Variants in AMN observed in about 807,000 individuals in gnomAD.
AMN encodes amnion associated transmembrane protein.
In AMN, 40 loss-of-function variants were observed where a neutral mutation model predicts 49.1. The ratio of observed to expected loss-of-function variants is 0.81; its 90% CI spans 0.63 to 1.06. The LOEUF (loss-of-function observed/expected upper bound fraction) is 1.06, where lower values mean the gene tolerates loss of function less well. AMN is among the 50% of genes least tolerant of loss of function. The pLI, the probability that AMN is intolerant of heterozygous loss-of-function variation, is 0.00. For synonymous variants in AMN, 380 were observed against 313.3 expected (o/e 1.21, Z -2.25); for missense variants, 701 against 662.8 (o/e 1.06, Z -0.63).
At chr14:102,928,699 C>CGTGGCGTGGT (rs997711365) in intron 4 of AMN, 59 bp from the exon 5 acceptor site, 43 of 1,558,774 alleles carry the variant, frequency 2.8e-5, no homozygotes, top group Non-Finnish European at 3.4e-5. Context: ...CGTGGCGTGG[C>CGTGGCGTGGT]GTGGCGTGGT....
chr14:102,924,565 C>G (rs149753083), intron 3 of AMN, among the ~76,000 whole-genome samples: 16 of 152,316 alleles, frequency 1.1e-4, no homozygotes, highest in African/African-American at 3.8e-4. Flanking sequence ...AAACCTTCCC[C>G]ACTCCCATCA....
intron 1 of AMN, 180 bp downstream of exon 1, chr14:102,922,911 A>G: frequency 2.3e-6 from 2 of 871,352 alleles, no homozygotes; most frequent in Non-Finnish European, 3.4e-6. Flanking sequence ...GCAGCCCGGA[A>G]GTGCGCGGCC....
chr14:102,926,919 T>C (rs1052790578), intron 3 of AMN, among the ~76,000 whole-genome samples: 1 of 151,676 alleles, frequency 6.6e-6, no homozygotes, highest in African/African-American at 2.4e-5. Flanking sequence ...TGAGACAGGG[T>C]CTCACTCTGT....
chr14:102,925,785 GC>G (rs1480675563), intron 3 of AMN, among the ~76,000 whole-genome samples: 1 of 152,180 alleles, frequency 6.6e-6, no homozygotes, highest in Non-Finnish European at 1.5e-5. Context: ...GGGGACAGTG[GC>G]CCCAGGGTCC....
At chr14:102,927,982 G>A (rs1891225389) in intron 3 of AMN, among the ~76,000 whole-genome samples, 1 of 152,216 alleles carries the variant, frequency 6.6e-6, no homozygotes, top group South Asian at 2.1e-4. Flanking sequence ...CACACCAAGA[G>A]CGCGGCCTCA....
At position 102,929,424 on chromosome 14, in the gene AMN, C is replaced by G. The variant is rs1595433914; in HGVS notation, c.652-4C>G. On this transcript the variant is annotated splice_region_variant and splice_polypyrimidine_tract_variant and intron_variant, in intron 6 of 11. Transcript: ENST00000299155. ...TCCGCGCTGACCACCGCCCCTCGCA[C>G]CAGGCGCAGCCGTGGATCTGCGCGG... is the stretch of plus-strand genomic sequence containing the variant. 5 of 1,530,188 alleles carry G rather than the reference C, an allele frequency of 3.3e-6. No individual in the cohort carries two copies. Among genetic ancestry groups the G allele is most frequent in the South Asian group, 1.2e-5 (1 of 83,606 alleles). The allele number at this position is 1,530,188 out of a possible 1,614,324, so 94.8% of individuals were successfully genotyped here.
Position 102,929,163 on chromosome 14 carries a change from C to A in AMN, c.556C>A (p.Arg186Ser), listed in dbSNP as rs1207268542. The A allele has an allele frequency of 1.3e-6, 2 of 1,595,896 alleles. No homozygotes were observed. Among genetic ancestry groups the A allele is most frequent in the African/African-American group, 2.7e-5 (2 of 74,878 alleles). ...GGACCTGGCTGTTTTCCTGGCGTCC[C>A]GCGCGGGCCGCCTACGCTTCCACGG... The part of the protein sequence containing the change: ...DEDLAVFLAS[R>S]AGRLRFHGPG... Residue 186 changes from arginine to serine, a missense_variant, in exon 6 of 12, where the codon CGC becomes AGC. Arg to Ser is a moderately radical substitution (Grantham distance 110). Coordinates refer to ENST00000299155, the MANE Select transcript of AMN (RefSeq NM_030943.4).
At chr14:102,924,849 C>G (rs2139302932) in intron 3 of AMN, among the ~76,000 whole-genome samples, 1 of 152,318 alleles carries the variant, frequency 6.6e-6, no homozygotes, top group African/African-American at 2.4e-5. Context: ...AAGCTACAGG[C>G]CAAATGCAGC....
Position 102,930,472 on chromosome 14 carries a change from C to G in AMN, c.1236C>G (p.Asp412Glu). ...TCGGCTTCCGCAACCCGGTGTTCGACGTGACGGCCTCCGAGGAGCTGGTGA... is the reference window on the plus strand; with the variant it reads ...TCGGCTTCCGCAACCCGGTGTTCGAGGTGACGGCCTCCGAGGAGCTGGTGA... ...APLGFRNPVFDVTASEELPLP... is the reference protein window; with the variant it reads ...APLGFRNPVFEVTASEELPLP... The change falls in exon 11 of 12, where the codon GAC becomes GAG. Residue 412 changes from aspartate (D) to glutamate (E), a missense_variant. By Grantham distance (45) the Asp-to-Glu change is conservative. Coordinates refer to ENST00000299155, the MANE Select transcript of AMN (RefSeq NM_030943.4). 6.5e-7 allele frequency: 1 copy of G among 1,532,148 alleles called. No homozygotes were observed. The highest frequency in any genetic ancestry group is 8.8e-7 in the Non-Finnish European group (1 of 1,142,220). 94.9% of individuals were successfully genotyped at this position (1,532,148 alleles called of 1,614,324 possible).
intron 4 of AMN, 66 bp from the exon 5 acceptor site, chr14:102,928,692 G>A (rs1891247453): frequency 2.6e-6 from 4 of 1,547,970 alleles, no homozygotes; most frequent in Middle Eastern, 3.4e-4. Context: ...CGCGTGGCGT[G>A]GCGTGGCGTG....
At chr14:102,929,005 C>T in intron 5 of AMN, 30 bp downstream of exon 5, 1 of 1,595,550 alleles carries the variant, frequency 6.3e-7, no homozygotes, top group Non-Finnish European at 8.5e-7. Flanking sequence ...AGGCTCGGGT[C>T]CCCTCTCCCC....
In AMN at chr14:102,928,486, G is replaced by A; in HGVS notation, c.268G>A (p.Val90Met). The A allele has an allele frequency of 1.9e-6, 3 of 1,609,484 alleles. No homozygotes were observed. Among genetic ancestry groups the A allele is most frequent in the Non-Finnish European group, 1.7e-6 (2 of 1,179,140 alleles). The change falls in exon 4 of 12, where the codon GTG becomes ATG. Residue 90 changes from valine to methionine, a missense_variant. Transcript: ENST00000299155. ...ASGAGFGVSD[V>M]GSHLDCGAGE... is the part of the protein sequence containing the mutation. ...AGGAGCCGGATTCGGCGTCTCAGAC[G>A]TGGGCTCGCACCTGGACTGTGGCGC...
At chr14:102,930,121 C>A (rs1891303889) in intron 9 of AMN, 35 bp downstream of exon 9, 2 of 1,501,534 alleles carry the variant, frequency 1.3e-6, no homozygotes, top group Non-Finnish European at 1.8e-6. Context: ...CCCGCCGCGC[C>A]TCGCCCCGCC....
Position 102,928,865 on chromosome 14 carries a change from G to C in AMN, c.403G>C (p.Val135Leu), listed in dbSNP as rs777755176. Residue 135 changes from valine (V) to leucine (L), a missense_variant, in exon 5 of 12, where the codon GTG becomes CTG. By Grantham distance (32) the Val-to-Leu change is conservative. Coordinates refer to ENST00000299155, the MANE Select transcript of AMN (RefSeq NM_030943.4). ...CCTCTTCTTCGTGGACGCCGAGCGC[G>C]TGCCCTGCCGCCACGACGACGTCTT... is the stretch of plus-strand genomic sequence containing the variant. The part of the protein sequence containing the change: ...PGLFFVDAER[V>L]PCRHDDVFFP... The C allele has an allele frequency of 6.2e-7, 1 of 1,604,308 alleles. No homozygotes were observed.
At chr14:102,925,437 G>A (rs879810191) in intron 3 of AMN, among the ~76,000 whole-genome samples, 5 of 152,216 alleles carry the variant, frequency 3.3e-5, no homozygotes, top group African/African-American at 4.8e-5. Context: ...GCAAGATGGC[G>A]ACGCTCCCAC....
intron 3 of AMN, among the ~76,000 whole-genome samples, chr14:102,927,643 T>C (rs1203844188): frequency 6.6e-6 from 1 of 152,186 alleles, no homozygotes; most frequent in East Asian, 1.9e-4. Flanking sequence ...CGCGCCCTGC[T>C]GTGCTGAGCC....
chr14:102,929,984 G>C lies in AMN; in HGVS notation c.904G>C (p.Glu302Gln), dbSNP rs775398085. The change falls in exon 9 of 12, where the codon GAG (glutamate) becomes CAG (glutamine). Residue 302 changes from glutamate to glutamine, a missense_variant. Transcript: ENST00000299155. Reference protein sequence around the residue: ...SKVPRSSRLREADTEIQVVLV... With the variant: ...SKVPRSSRLRQADTEIQVVLV... ...GGTGCCACGCTCGTCCCGGCTCCGT[G>C]AGGCCGATACGGAGATCCAGGTGGT... 2 of 1,564,564 alleles carry C rather than the reference G, an allele frequency of 1.3e-6. No homozygotes were observed. Among genetic ancestry groups the C allele is most frequent in the African/African-American group, 2.7e-5 (2 of 73,592 alleles).
chr14:102,928,699 C>T (rs1365027793), intron 4 of AMN, 59 bp from the exon 5 acceptor site: 4 of 1,558,888 alleles, frequency 2.6e-6, no homozygotes, highest in Non-Finnish European at 3.5e-6. Flanking sequence ...CGTGGCGTGG[C>T]GTGGCGTGGT....
At position 102,923,896 on chromosome 14, in the gene AMN, GGTTGCTCCCGGCTCGGCTGAGGCA is replaced by G; in HGVS notation, c.163-37_163-14del. 6.2e-7 allele frequency: 1 copy of G among 1,613,048 alleles called. No homozygotes were observed. ...CCTGAGACCGTGTGGCCCCGGTGGG[GGTTGCTCCCGGCTCGGCTGAGGCA>G]GCTTCTTCCTGCAGATGGTGTCAGT... On this transcript the variant is annotated splice_polypyrimidine_tract_variant and intron_variant, in intron 2 of 11. Transcript: ENST00000299155.
Sources: gnomAD v4.1 joint callset for allele counts (sites outside exome capture counted in the v4.1 genomes callset) on GRCh38, gnomAD v4.1.1 for gene constraint, MANE v1.5 for transcripts, NCBI Gene and HGNC (gene_info 2026-07-23, HGNC 2026-07-21) for gene names.